TNC: variants seen among roughly 807,000 people sequenced by gnomAD.
The protein encoded by TNC is tenascin C.
In TNC, 109 loss-of-function variants were observed where a neutral mutation model predicts 202.4. The observed-to-expected ratio is 0.54, with a 90% CI of 0.46 to 0.63. The LOEUF (loss-of-function observed/expected upper bound fraction) is 0.63. TNC is among the 30% of genes least tolerant of loss of function. The pLI is 0.00. For missense variants in TNC, 2,756 were observed against 2,833.3 expected, an observed-to-expected ratio of 0.97 and a Z score of 0.62; for synonymous variants, 1,007 against 1,089.7, an observed-to-expected ratio of 0.92 and a Z score of 1.50.
Position 115,090,749 on chromosome 9 carries a change from G to A in TNC, c.270C>T (p.His90=), listed in dbSNP as rs1835159223. Residue 90 remains histidine, a synonymous_variant, in exon 2 of 28, where the codon CAC becomes CAT. Transcript: ENST00000350763. The part of the protein sequence containing the change: ...PSEPSESFQE[H]TVDGENQIVF... ...CAATCTGGTTTTCCCCATCCACTGT[G>A]TGCTCCTGAAAGCTTTCGCTGGGCT... 3.1e-6 allele frequency: 5 copies of A among 1,614,240 alleles called. No individual in the cohort carries two copies. Among genetic ancestry groups the A allele is most frequent in the Non-Finnish European group, 3.4e-6 (4 of 1,180,036 alleles).
rs1564111001 is a variant in TNC at position 115,081,868 on chromosome 9, G to T, written c.2308C>A (p.Gln770Lys). Residue 770 changes from glutamine to lysine, a missense_variant, in exon 6 of 28, where the codon CAA (glutamine) becomes AAA (lysine). Physicochemically the swap from Gln to Lys is moderately conservative, Grantham distance 53. Transcript: ENST00000350763. ...SLRRPETSYR[Q>K]TGLAPGQEYE... ...TCTTGCCCAGGAGCTAGACCAGTTT[G>T]CCGGTAAGAGGTCTCTGGCCTCCTC... 3 of 1,604,080 alleles carry T rather than the reference G, an allele frequency of 1.9e-6. No homozygotes were observed. Among genetic ancestry groups the T allele is most frequent in the Non-Finnish European group, 2.5e-6 (3 of 1,177,420 alleles).
intron 2 of TNC, among the ~76,000 whole-genome samples, chr9:115,089,194 G>C (rs1453291550): frequency 1.3e-5 from 2 of 152,182 alleles, no homozygotes; most frequent in East Asian, 3.8e-4. Flanking sequence ...GAAACCTAGA[G>C]CCTGTCCTGC....
intron 16 of TNC, 76 bp from the exon 17 acceptor site, chr9:115,046,758 A>G (rs550365882): frequency 1.0e-5 from 16 of 1,545,680 alleles, no homozygotes; most frequent in Non-Finnish European, 1.4e-5. Context: ...TCTCTCCAGT[A>G]GGGGTATCAA....
At chr9:115,039,911 T>G (rs754102160) in intron 19 of TNC, among the ~76,000 whole-genome samples, 9 of 152,360 alleles carry the variant, frequency 5.9e-5, no homozygotes, top group Non-Finnish European at 1.3e-4. Context: ...GACTCTGGGT[T>G]CAGATGGGAT....
intron 24 of TNC, among the ~76,000 whole-genome samples, 157 bp downstream of exon 24, chr9:115,030,097 T>C (rs888703818): frequency 4.6e-5 from 7 of 152,192 alleles, no homozygotes; most frequent in Admixed American, 3.9e-4. Flanking sequence ...AAGAGAGAAT[T>C]CCTGAGTGCC....
At chr9:115,062,673 A>T (rs917229906) in intron 13 of TNC, among the ~76,000 whole-genome samples, 17 of 151,246 alleles carry the variant, frequency 1.1e-4, no homozygotes, top group African/African-American at 3.7e-4. Flanking sequence ...ACACACACAC[A>T]CTATATATAT....
intron 6 of TNC, among the ~76,000 whole-genome samples, chr9:115,079,151 C>T (rs1357212987): frequency 3.3e-5 from 5 of 151,170 alleles, no homozygotes; most frequent in Non-Finnish European, 5.9e-5. Flanking sequence ...GAGAGTGAGT[C>T]TTTTAAATTC....
In TNC at chr9:115,086,394, C is replaced by T. The variant is rs139025891; in HGVS notation, c.1337G>A (p.Arg446Gln). The change falls in exon 3 of 28, where the codon CGG (arginine) becomes CAG (glutamine). Residue 446 changes from arginine (R) to glutamine (Q), a missense_variant. By Grantham distance (43) the Arg-to-Gln change is conservative. Transcript: ENST00000350763. ...QLRCPNDCHSRGRCVEGKCVC... is the reference protein window; with the variant it reads ...QLRCPNDCHSQGRCVEGKCVC... ...ACATTTGCCCTCGACACAGCGGCCC[C>T]GACTGTGACAGTCATTGGGGCACCG... is the stretch of plus-strand genomic sequence containing the variant. 113 of 1,613,916 alleles carry T rather than the reference C, an allele frequency of 7.0e-5. No homozygotes were observed. Among genetic ancestry groups the T allele is most frequent in the Middle Eastern group, 6.6e-4 (4 of 6,062 alleles).
intron 3 of TNC, 98 bp from the exon 4 acceptor site, chr9:115,084,570 G>T: frequency 7.0e-7 from 1 of 1,424,058 alleles, no homozygotes. Flanking sequence ...AGCCACAGAG[G>T]TCTGAAGATC....
At chr9:115,107,339 A>T (rs1290453074) in intron 1 of TNC, among the ~76,000 whole-genome samples, 1 of 152,158 alleles carries the variant, frequency 6.6e-6, no homozygotes, top group Non-Finnish European at 1.5e-5. Flanking sequence ...TTCCAATAAA[A>T]CTTTATTTAC....
chr9:115,045,198 C>G (rs1172353721), intron 17 of TNC, among the ~76,000 whole-genome samples: 3 of 152,054 alleles, frequency 2.0e-5, no homozygotes, highest in Non-Finnish European at 2.9e-5. Context: ...TGGTTCTGTC[C>G]CCTGGTTCCC....
At position 115,086,886 on chromosome 9, in the gene TNC, G is replaced by A. The variant is rs779177744; in HGVS notation, c.845C>T (p.Pro282Leu). ...DGFAGDDCNK[P>L]LCLNNCYNRG... The stretch of plus-strand genomic sequence containing the variant: ...GTTGTAGCAATTGTTGAGACACAGA[G>A]GCTTGTTGCAGTCATCGCCTGCAAA... The change falls in exon 3 of 28, where the codon CCT (proline) becomes CTT (leucine). Residue 282 changes from proline (P) to leucine (L), a missense_variant. Pro to Leu is a moderately conservative substitution (Grantham distance 98). Transcript: ENST00000350763. The A allele has an allele frequency of 6.2e-7, 1 of 1,614,152 alleles. No individual in the cohort carries two copies. Among genetic ancestry groups the A allele is most frequent in the Admixed American group, 1.7e-5 (1 of 60,022 alleles).
chr9:115,095,615 T>C (rs1309677491), intron 1 of TNC, among the ~76,000 whole-genome samples: 1 of 3,454 alleles, frequency 2.9e-4, no homozygotes, highest in African/African-American at 5.4e-4. Context: ...TATGTATATA[T>C]GTATATATAT....
At chr9:115,116,539 G>A (rs551502480) in intron 1 of TNC, among the ~76,000 whole-genome samples, 1 of 152,256 alleles carries the variant, frequency 6.6e-6, no homozygotes, top group East Asian at 1.9e-4. Flanking sequence ...ACACATATGG[G>A]AAAGCTCTGT....
At chr9:115,048,946 T>C (rs970496157) in intron 15 of TNC, among the ~76,000 whole-genome samples, 4 of 151,988 alleles carry the variant, frequency 2.6e-5, no homozygotes, top group African/African-American at 4.8e-5. Flanking sequence ...TTTTTTTTTT[T>C]CGAGTATAAT....
At chr9:115,059,410 A>T (rs1363264747) in intron 14 of TNC, among the ~76,000 whole-genome samples, 1 of 152,204 alleles carries the variant, frequency 6.6e-6, no homozygotes, top group Non-Finnish European at 1.5e-5. Flanking sequence ...CAAGCACTGG[A>T]GAAGTGAATT....
chr9:115,051,742 C>T (rs973200477), intron 15 of TNC, among the ~76,000 whole-genome samples: 5 of 151,864 alleles, frequency 3.3e-5, no homozygotes, highest in Non-Finnish European at 5.9e-5. Context: ...AACAGGATTT[C>T]GATCTTAGGC....
Position 115,086,874 on chromosome 9 carries a change from T to C in TNC, c.857A>G (p.Asn286Ser). The C allele has an allele frequency of 6.2e-7, 1 of 1,614,124 alleles. No homozygotes were observed. Among genetic ancestry groups the C allele is most frequent in the Non-Finnish European group, 8.5e-7 (1 of 1,180,018 alleles). The stretch of plus-strand genomic sequence containing the variant: ...GCATCGTCCACGGTTGTAGCAATTG[T>C]TGAGACACAGAGGCTTGTTGCAGTC... ...GDDCNKPLCL[N>S]NCYNRGRCVE... Residue 286 changes from asparagine to serine, a missense_variant, in exon 3 of 28, where the codon AAC becomes AGC. By Grantham distance (46) the Asn-to-Ser change is conservative. Coordinates refer to ENST00000350763, the MANE Select transcript of TNC (RefSeq NM_002160.4).
At position 115,078,049 on chromosome 9, in the gene TNC, G is replaced by T. The variant is rs772908312; in HGVS notation, c.2568C>A (p.Asn856Lys). 6.2e-7 allele frequency: 1 copy of T among 1,614,212 alleles called. No homozygotes were observed. The highest frequency in any genetic ancestry group is 2.2e-5 in the East Asian group (1 of 44,880). The stretch of plus-strand genomic sequence containing the variant: ...GCTTCAGGTTCCCGATGGAGTACTG[G>T]TTCTCGTCCTCTGTGAGATCGATGG... Reference protein sequence around the residue: ...RTTIDLTEDENQYSIGNLKPD... With the variant: ...RTTIDLTEDEKQYSIGNLKPD... The change falls in exon 7 of 28, where the codon AAC becomes AAA. Residue 856 changes from asparagine to lysine, a missense_variant. Physicochemically the swap from Asn to Lys is moderately conservative, Grantham distance 94 (BLOSUM62 0). Transcript: ENST00000350763.
Sources: gnomAD v4.1 joint callset for allele counts (sites outside exome capture counted in the v4.1 genomes callset) on GRCh38, gnomAD v4.1.1 for gene constraint, MANE v1.5 for transcripts, NCBI Gene and HGNC (gene_info 2026-07-23, HGNC 2026-07-21) for gene names.